RBFOX1: variants seen among roughly 807,000 people sequenced by gnomAD.
RBFOX1 encodes RNA binding fox-1 homolog 1, also known as RNA binding protein fox-1 homolog 1.
RBFOX1 carries 8 observed loss-of-function variants against 57.7 expected under a neutral mutation model. The ratio of observed to expected loss-of-function variants is 0.14; its 90% CI spans 0.08 to 0.25. The LOEUF is 0.25. Ranked by LOEUF, RBFOX1 falls within the 10% of genes least tolerant of loss-of-function variation. The pLI is 1.00. For synonymous variants in RBFOX1, 326 were observed against 222.4 expected (o/e 1.47, Z -4.15); for missense variants, 611 against 548.5 (o/e 1.11, Z -1.14).
chr16:5,742,887 C>CA (rs2052828355), intron 3 of RBFOX1, among the ~76,000 whole-genome samples: 2 of 152,028 alleles, frequency 1.3e-5, no homozygotes, highest in South Asian at 4.2e-4. Flanking sequence ...TGGATCTGGT[C>CA]AGGTGTTGGG....
At chr16:7,167,832 G>T (rs989876974) in intron 4 of RBFOX1, among the ~76,000 whole-genome samples, 3 of 148,496 alleles carry the variant, frequency 2.0e-5, no homozygotes, top group Non-Finnish European at 4.4e-5. Flanking sequence ...CATCTGGCCT[G>T]CAAAGCCTAA....
At chr16:6,157,304 C>G (rs2096845400) in intron 1 of RBFOX1, among the ~76,000 whole-genome samples, 1 of 151,322 alleles carries the variant, frequency 6.6e-6, no homozygotes, top group Non-Finnish European at 1.5e-5. Context: ...AAACCATTTG[C>G]CCTACTTCTC....
At chr16:5,657,401 A>T (rs973292682) in intron 3 of RBFOX1, among the ~76,000 whole-genome samples, 1 of 152,176 alleles carries the variant, frequency 6.6e-6, no homozygotes, top group Non-Finnish European at 1.5e-5. Flanking sequence ...TTTACAGAGG[A>T]TGAAATTGGG....
intron 4 of RBFOX1, among the ~76,000 whole-genome samples, chr16:5,886,381 A>T (rs879870041): frequency 2.6e-4 from 39 of 152,212 alleles, no homozygotes; most frequent in Non-Finnish European, 8.8e-5. Context: ...GGCTTTAAAA[A>T]ATATTAGTTA....
At chr16:6,073,178 C>T (rs2095857099) in intron 1 of RBFOX1, among the ~76,000 whole-genome samples, 1 of 152,104 alleles carries the variant, frequency 6.6e-6, no homozygotes, top group African/African-American at 2.4e-5. Flanking sequence ...GATAACTAAG[C>T]CTTCATCCCT....
intron 4 of RBFOX1, among the ~76,000 whole-genome samples, chr16:7,076,818 G>C (rs1402781407): frequency 6.6e-6 from 1 of 152,176 alleles, no homozygotes; most frequent in African/African-American, 2.4e-5. Flanking sequence ...TATACCTCCT[G>C]TGAGCCCTGG....
chr16:7,311,411 T>C (rs990129589), intron 4 of RBFOX1, among the ~76,000 whole-genome samples: 2 of 151,802 alleles, frequency 1.3e-5, no homozygotes, highest in Non-Finnish European at 2.9e-5. Flanking sequence ...CTGTAGGATT[T>C]AAGTGACTCC....
At chr16:6,664,401 G>A (rs886125493) in intron 3 of RBFOX1, among the ~76,000 whole-genome samples, 14 of 152,246 alleles carry the variant, frequency 9.2e-5, no homozygotes, top group Non-Finnish European at 1.6e-4. Flanking sequence ...ACTATCTCTG[G>A]TCAAAGAAAT....
chr16:7,240,863 C>A (rs11859699), intron 4 of RBFOX1, among the ~76,000 whole-genome samples: 1 of 152,160 alleles, frequency 6.6e-6, no homozygotes, highest in Non-Finnish European at 1.5e-5. Flanking sequence ...AGCCGCTGCA[C>A]CTGGCAAAAT....
chr16:6,659,701 C>T lies in RBFOX1; in HGVS notation c.-16+5051C>T, dbSNP rs542380122. 5.3e-5 allele frequency among the ~76,000 whole-genome samples: 8 copies of T among 152,230 alleles called. No individual in the cohort carries two copies. The South Asian group carries it at 1.7e-3, about 32-fold the overall frequency. On this transcript the variant is annotated intron_variant, in intron 3 of 15. Coordinates refer to ENST00000550418, the MANE Select transcript of RBFOX1 (RefSeq NM_018723.4). ...CAATATGGGGCAGGCTTTCAGCTCC[C>T]ACATTGCAGCTCTAGCTGGTTCACA... is the stretch of plus-strand genomic sequence containing the variant.
At chr16:6,261,587 T>A (rs1337316208) in intron 1 of RBFOX1, among the ~76,000 whole-genome samples, 1 of 152,208 alleles carries the variant, frequency 6.6e-6, no homozygotes, top group Non-Finnish European at 1.5e-5. Flanking sequence ...CCATCAAGCT[T>A]CACCAGTTTC....
At chr16:6,231,227 TGTGTGTGTGTAG>T (rs2097457106) in intron 1 of RBFOX1, among the ~76,000 whole-genome samples, 1 of 95,722 alleles carries the variant, frequency 1.0e-5, no homozygotes, top group Non-Finnish European at 2.4e-5. Context: ...TGTGTGTGTG[TGTGTGTGTGTAG>T]GTGTGTGTGT....
chr16:6,543,840 C>T (rs756671274), intron 2 of RBFOX1, among the ~76,000 whole-genome samples: 17 of 152,026 alleles, frequency 1.1e-4, no homozygotes, highest in Non-Finnish European at 2.2e-4. Context: ...TTTCCAGATA[C>T]ACCTGCATGA....
chr16:7,277,114 A>G (rs1165887730), intron 4 of RBFOX1, among the ~76,000 whole-genome samples: 1 of 152,196 alleles, frequency 6.6e-6, no homozygotes, highest in East Asian at 1.9e-4. Flanking sequence ...TGATCCTTTG[A>G]CTATACTGCT....
chr16:7,269,186 A>G (rs987392957), intron 4 of RBFOX1, among the ~76,000 whole-genome samples: 42 of 152,284 alleles, frequency 2.8e-4, no homozygotes, highest in African/African-American at 1.0e-3. Flanking sequence ...TTATTCCAGA[A>G]TATACAGCAC....
upstream of RBFOX1, among the ~76,000 whole-genome samples, chr16:6,014,775 T>A (rs534966969): frequency 6.6e-5 from 10 of 152,192 alleles, no homozygotes; most frequent in Non-Finnish European, 1.3e-4. Context: ...ATGGATACAT[T>A]TGAGTATTGT....
Position 7,497,710 on chromosome 16 carries a change from C to T in RBFOX1, c.28-20437C>T, listed in dbSNP as rs138795642. Among the ~76,000 whole-genome samples the T allele has an allele frequency of 1.4e-4, 22 of 152,274 alleles. No individual in the cohort carries two copies. The East Asian group carries it at 3.7e-3, about 25-fold the overall frequency. ...AATTAATGAATGCAAGATATCCTTC[C>T]ATGTGTCACTGAGACTTTTAAAAAG... On this transcript the variant is annotated intron_variant, in intron 4 of 15. Coordinates refer to ENST00000550418, the MANE Select transcript of RBFOX1 (RefSeq NM_018723.4).
intron 1 of RBFOX1, among the ~76,000 whole-genome samples, chr16:6,309,601 A>G (rs1046402754): frequency 6.6e-6 from 1 of 151,886 alleles, no homozygotes; most frequent in East Asian, 1.9e-4. Context: ...AACATTAGAA[A>G]TCTCCTGTAA....
intron 1 of RBFOX1, among the ~76,000 whole-genome samples, chr16:6,109,532 T>C (rs2096419855): frequency 6.6e-6 from 1 of 152,202 alleles, no homozygotes; most frequent in Non-Finnish European, 1.5e-5. Flanking sequence ...CTTTTTCCAT[T>C]GTAGTCCAAA....
Sources: allele counts gnomAD v4.1 joint callset (sites outside exome capture counted in the v4.1 genomes callset), GRCh38; gene constraint gnomAD v4.1.1; transcripts MANE v1.5; gene names NCBI Gene and HGNC (gene_info 2026-07-23, HGNC 2026-07-21).